The following NPHP1 variants were observed in gnomAD, a reference collection of about 807,000 sequenced individuals.
NPHP1 encodes nephrocystin 1.
A neutral mutation model predicts 90.4 loss-of-function variants in NPHP1; 70 were observed. The observed-to-expected ratio is 0.77, with a 90% CI of 0.64 to 0.95. The LOEUF is 0.95. Among genes scored for constraint, NPHP1 ranks in the 40% least tolerant of loss-of-function variants. The pLI is 0.00. For missense variants in NPHP1, 764 were observed against 795.9 expected, an observed-to-expected ratio of 0.96 and a Z score of 0.48; for synonymous variants, 256 against 271.7, an observed-to-expected ratio of 0.94 and a Z score of 0.57.
Position 110,123,660 on chromosome 2 carries a change from G to T in NPHP1, c.*131C>A. ...TGTATAAACATTTCTTTAAAAATAT[G>T]GTCTGTAGAAAGAAAAGAGTAAAAC... On this transcript the variant is annotated 3_prime_UTR_variant, in exon 20 of 20. Transcript: ENST00000445609. 1.2e-6 allele frequency: 1 copy of T among 830,032 alleles called. No individual in the cohort carries two copies. The highest frequency in any genetic ancestry group is 2.0e-6 in the Non-Finnish European group (1 of 501,034). 51.4% of individuals were successfully genotyped at this position (830,032 alleles called of 1,614,324 possible).
At chr2:110,133,313 G>A (rs1679925308) in intron 16 of NPHP1, among the ~76,000 whole-genome samples, 1 of 151,890 alleles carries the variant, frequency 6.6e-6, no homozygotes, top group African/African-American at 2.4e-5. Flanking sequence ...AAGAGACAAA[G>A]GATATTGTAC....
At chr2:110,140,126 G>A (rs1419490142) in intron 16 of NPHP1, among the ~76,000 whole-genome samples, 1 of 151,984 alleles carries the variant, frequency 6.6e-6, no homozygotes, top group Non-Finnish European at 1.5e-5. Flanking sequence ...CACCAGCAGT[G>A]TGTCCCAACT....
chr2:110,127,747 C>G (rs1679470465), intron 18 of NPHP1: 1 of 152,104 alleles, frequency 6.6e-6, no homozygotes, highest in Non-Finnish European at 1.5e-5. Context: ...CTGCACATCT[C>G]CAAGCTGTCT....
chr2:110,132,760 T>C (rs1353684059), intron 16 of NPHP1, among the ~76,000 whole-genome samples: 1 of 152,192 alleles, frequency 6.6e-6, no homozygotes, highest in Non-Finnish European at 1.5e-5. Flanking sequence ...CGAAGTTAAA[T>C]TGGTATCAGT....
At chr2:110,137,967 C>T (rs569289859) in intron 16 of NPHP1, among the ~76,000 whole-genome samples, 1 of 150,620 alleles carries the variant, frequency 6.6e-6, no homozygotes, top group African/African-American at 2.4e-5. Context: ...AAATGTGGCA[C>T]ATATACACCA....
chr2:110,203,324 T>C (rs932166905), intron 1 of NPHP1, among the ~76,000 whole-genome samples: 1 of 152,076 alleles, frequency 6.6e-6, no homozygotes, highest in Non-Finnish European at 1.5e-5. Context: ...TCACTGCTTG[T>C]GTGATAGGCT....
intron 11 of NPHP1, 91 bp downstream of exon 11, chr2:110,160,036 G>C (rs1245434128): frequency 8.7e-6 from 12 of 1,381,506 alleles, no homozygotes; most frequent in African/African-American, 5.7e-5. Flanking sequence ...ATACTCTCTT[G>C]GGAATTGGGG....
intron 2 of NPHP1, among the ~76,000 whole-genome samples, chr2:110,192,389 C>T (rs2104674574): frequency 6.6e-6 from 1 of 152,190 alleles, no homozygotes. Flanking sequence ...ATTCGATCAA[C>T]TGGAAGAAAG....
intron 2 of NPHP1, among the ~76,000 whole-genome samples, chr2:110,200,554 T>C (rs960155548): frequency 3.3e-5 from 5 of 152,154 alleles, no homozygotes; most frequent in Non-Finnish European, 5.9e-5. Flanking sequence ...CAGAGTGAGA[T>C]TTAGTCTCAA....
intron 2 of NPHP1, among the ~76,000 whole-genome samples, chr2:110,198,609 A>C (rs879892127): frequency 2.0e-5 from 3 of 152,084 alleles, no homozygotes; most frequent in Admixed American, 6.6e-5. Flanking sequence ...AAACAAACAA[A>C]AACAATTAAC....
At chr2:110,173,883 T>C (rs1315047164) in intron 4 of NPHP1, among the ~76,000 whole-genome samples, 1 of 152,160 alleles carries the variant, frequency 6.6e-6, no homozygotes, top group Non-Finnish European at 1.5e-5. Flanking sequence ...TTTTGCTTTA[T>C]ACATTTGAAC....
intron 16 of NPHP1, among the ~76,000 whole-genome samples, chr2:110,136,992 C>T (rs546821491): frequency 1.3e-5 from 2 of 152,252 alleles, no homozygotes; most frequent in African/African-American, 2.4e-5. Flanking sequence ...ACCTATGGAA[C>T]AGAACAGAGC....
intron 3 of NPHP1, among the ~76,000 whole-genome samples, chr2:110,179,149 G>GGA (rs1553491227): frequency 7.2e-6 from 1 of 139,860 alleles, no homozygotes; most frequent in African/African-American, 2.6e-5. Context: ...AGGCTCATGT[G>GGA]AAAAAAAAAA....
At chr2:110,197,649 A>G (rs1407596927) in intron 2 of NPHP1, among the ~76,000 whole-genome samples, 2 of 152,156 alleles carry the variant, frequency 1.3e-5, no homozygotes, top group Non-Finnish European at 2.9e-5. Flanking sequence ...GAGGAGAGAC[A>G]TCACCAACAA....
intron 2 of NPHP1, chr2:110,184,866 G>C: frequency 2.9e-6 from 2 of 699,294 alleles, no homozygotes; most frequent in Non-Finnish European, 5.4e-6. Context: ...CTGCTCTTCA[G>C]GCCAGACTTG....
intron 4 of NPHP1, among the ~76,000 whole-genome samples, chr2:110,176,066 C>A (rs72942106): frequency 0.012 from 1,879 of 152,012 alleles, 44 homozygotes; most frequent in African/African-American, 0.043. Flanking sequence ...GTTCCCATTT[C>A]TCTGCTTAAG....
intron 16 of NPHP1, among the ~76,000 whole-genome samples, chr2:110,138,534 C>T (rs746500501): frequency 5.3e-5 from 8 of 152,044 alleles, no homozygotes; most frequent in African/African-American, 9.7e-5. Flanking sequence ...ATTTTAAAGA[C>T]GGGATGCAGG....
At chr2:110,168,411 A>AT (rs1559079819) in intron 6 of NPHP1, 41 bp downstream of exon 6, 1 of 1,299,356 alleles carries the variant, frequency 7.7e-7, no homozygotes, top group Non-Finnish European at 1.1e-6. Flanking sequence ...AAGCGAAAAA[A>AT]AAAAAAGTCT....
rs373015479 is a variant in NPHP1, at chr2:110,156,923, C to G, written c.1083+3204G>C. On this transcript the variant is annotated intron_variant, in intron 11 of 19. Coordinates refer to ENST00000445609, the MANE Select transcript of NPHP1 (RefSeq NM_001128178.3). ...TCCCAAGTAGCTGGGACTACAGGCA[C>G]ACGCCACCACGTCCAGCTAATTTTT... Among the ~76,000 whole-genome samples, 6 of 151,976 alleles carry G rather than the reference C, an allele frequency of 3.9e-5. No individual in the cohort carries two copies. The East Asian group carries it at 7.7e-4, about 20-fold the overall frequency.
Sources: allele counts gnomAD v4.1 joint callset (sites outside exome capture counted in the v4.1 genomes callset), GRCh38; gene constraint gnomAD v4.1.1; transcripts MANE v1.5; gene names NCBI Gene and HGNC (gene_info 2026-07-23, HGNC 2026-07-21).